Variants in STX5 observed in about 807,000 individuals in gnomAD.
STX5 encodes the protein syntaxin-5.
Under a neutral mutation model 42.9 loss-of-function variants are expected in STX5, and 15 were observed. The ratio of observed to expected loss-of-function variants is 0.35; its 90% CI spans 0.23 to 0.54. STX5 has a LOEUF of 0.54. Ranked by LOEUF, STX5 falls within the 20% of genes least tolerant of loss-of-function variation. STX5 has a pLI of 0.91. For missense variants in STX5, 430 were observed against 455.0 expected, an observed-to-expected ratio of 0.95 and a Z score of 0.50; for synonymous variants, 184 against 173.2, an observed-to-expected ratio of 1.06 and a Z score of -0.49.
At chr11:62,823,578 C>T (rs767177235) in intron 10 of STX5, among the ~76,000 whole-genome samples, 1 of 152,146 alleles carries the variant, frequency 6.6e-6, no homozygotes, top group Non-Finnish European at 1.5e-5. Context: ...CAGAATCTGG[C>T]TCTGTCACCC....
At chr11:62,820,875 T>G (rs1204856812) in intron 10 of STX5, among the ~76,000 whole-genome samples, 1 of 152,218 alleles carries the variant, frequency 6.6e-6, no homozygotes, top group Non-Finnish European at 1.5e-5. Flanking sequence ...ATTGAAATTT[T>G]GATTAAAATT....
intron 10 of STX5, among the ~76,000 whole-genome samples, chr11:62,818,384 C>T (rs1305912660): frequency 6.6e-6 from 1 of 151,426 alleles, no homozygotes; most frequent in Non-Finnish European, 1.5e-5. Flanking sequence ...TAGTGAAACC[C>T]CATTTCTACT....
intron 10 of STX5, among the ~76,000 whole-genome samples, chr11:62,816,528 G>A (rs2084674941): frequency 6.6e-6 from 1 of 151,822 alleles, no homozygotes; most frequent in Non-Finnish European, 1.5e-5. Context: ...CAATCCTCCC[G>A]CCTTGAACTC....
chr11:62,828,216 G>C (rs1468214868), intron 2 of STX5, among the ~76,000 whole-genome samples: 1 of 151,972 alleles, frequency 6.6e-6, no homozygotes, highest in African/African-American at 2.4e-5. Flanking sequence ...CTGGGCTCAA[G>C]TGATCCTCCA....
At position 62,818,387 on chromosome 11, in the gene STX5, T is replaced by C. The variant is rs1402040483; in HGVS notation, c.908+5779A>G. On this transcript the variant is annotated intron_variant, in intron 10 of 10. Coordinates refer to ENST00000294179, the MANE Select transcript of STX5 (RefSeq NM_003164.5). ...GCCTGGCCAACATAGTGAAACCCCA[T>C]TTCTACTAAAAATACAAAAAAAAAA... Among the ~76,000 whole-genome samples the C allele has an allele frequency of 4.6e-5, 7 of 150,986 alleles. No individual in the cohort carries two copies. In the East Asian group the frequency reaches 1.2e-3, roughly 25 times the overall value.
At chr11:62,811,290 C>T (rs2084614065) in intron 10 of STX5, among the ~76,000 whole-genome samples, 1 of 152,200 alleles carries the variant, frequency 6.6e-6, no homozygotes, top group East Asian at 1.9e-4. Context: ...CTACTAAACT[C>T]TGTCATTTAG....
intron 10 of STX5, among the ~76,000 whole-genome samples, chr11:62,820,003 C>T (rs1013528991): frequency 1.3e-5 from 2 of 151,596 alleles, no homozygotes; most frequent in African/African-American, 4.8e-5. Flanking sequence ...GCTCCCAGGC[C>T]AGTAAGTGGA....
At position 62,807,423 on chromosome 11, in the gene STX5, C is replaced by T; in HGVS notation, c.*46G>A. 6.3e-7 allele frequency: 1 copy of T among 1,599,070 alleles called. No individual in the cohort carries two copies. Among genetic ancestry groups the T allele is most frequent in the Non-Finnish European group, 8.5e-7 (1 of 1,171,050 alleles). Reference sequence around the variant, plus strand: ...TGGCAGCACTGGCCACTTGCCTTCCCAGGAGGGTCCCAAACCCCAACAGAG... The same window carrying T: ...TGGCAGCACTGGCCACTTGCCTTCCTAGGAGGGTCCCAAACCCCAACAGAG... On this transcript the variant is annotated 3_prime_UTR_variant, in exon 11 of 11. Transcript: ENST00000294179.
At chr11:62,824,647 C>A in intron 8 of STX5, 82 bp from the exon 9 acceptor site, 1 of 1,325,554 alleles carries the variant, frequency 7.5e-7, no homozygotes. Context: ...TGAATCCCAG[C>A]TCTAGCACTT....
Position 62,819,298 on chromosome 11 carries a change from G to T in STX5, c.908+4868C>A, listed in dbSNP as rs149765727. ...TAGTTTTGATTTAGTTAGTGAAAAA[G>T]ATTTCAGTTTTCAGATGAAAGAAAA... is the stretch of plus-strand genomic sequence containing the variant. On this transcript the variant is annotated intron_variant, in intron 10 of 10. Transcript: ENST00000294179. Among the ~76,000 whole-genome samples, 15 of 105,986 alleles carry T rather than the reference G, an allele frequency of 1.4e-4. No homozygotes were observed. The East Asian group carries it at 4.3e-3, about 30-fold the overall frequency. The allele number at this position is 105,986 out of a possible 152,430, so 69.5% of individuals were successfully genotyped here.
intron 10 of STX5, among the ~76,000 whole-genome samples, chr11:62,815,198 G>C (rs906315905): frequency 2.6e-5 from 4 of 151,972 alleles, no homozygotes; most frequent in Non-Finnish European, 5.9e-5. Context: ...AGTAGAGATG[G>C]GGTTTCACCA....
Position 62,831,936 on chromosome 11 carries a change from T to A in STX5, c.-20+18A>T. The A allele has an allele frequency of 2.2e-6, 1 of 448,872 alleles. No homozygotes were observed. The highest frequency in any genetic ancestry group is 4.4e-6 in the Non-Finnish European group (1 of 226,186). The allele number at this position is 448,872 out of a possible 1,614,324, so 27.8% of individuals were successfully genotyped here. On this transcript the variant is annotated intron_variant, in intron 1 of 10. Coordinates refer to ENST00000294179, the MANE Select transcript of STX5 (RefSeq NM_003164.5). ...GAGCTGACACGGCGGCCAGATCCCC[T>A]CTTAAAGCGAATCTTACCTCCCCTC...
chr11:62,824,559 C>T lies in STX5; in HGVS notation c.686G>A (p.Gly229Asp), dbSNP rs373389250. The change falls in exon 9 of 11, where the codon GGT becomes GAT. Residue 229 changes from glycine to aspartate, a missense_variant. Coordinates refer to ENST00000294179, the MANE Select transcript of STX5 (RefSeq NM_003164.5). ...GGACTCTGCCCCCAGAACCACAGCA[C>T]CACCGCCTGGGGGAGAAAACAGGAT... ...LPLAPNHLGG[G>D]AVVLGAESHA... 84 of 1,613,962 alleles carry T rather than the reference C, an allele frequency of 5.2e-5. No individual in the cohort carries two copies. Among genetic ancestry groups the T allele is most frequent in the Non-Finnish European group, 6.7e-5 (79 of 1,180,002 alleles).
chr11:62,812,196 G>A (rs2084624771), intron 10 of STX5, among the ~76,000 whole-genome samples: 1 of 149,230 alleles, frequency 6.7e-6, no homozygotes, highest in African/African-American at 2.5e-5. Context: ...TCCTGCCTCA[G>A]CCTCCAGAGT....
rs560687939 is a variant in STX5, at chr11:62,829,921, C to T, written c.225+1098G>A. ...ACTAAAAAAAAATACAAAAATTAGC[C>T]GGGCGTGGTGACGGGCACCTGTAAT... On this transcript the variant is annotated intron_variant, in intron 2 of 10. Transcript: ENST00000294179. Among the ~76,000 whole-genome samples the T allele has an allele frequency of 1.5e-3, 224 of 151,708 alleles. 1 individual carries two copies. The highest frequency in any genetic ancestry group is 6.8e-3 in the Middle Eastern group (2 of 294).
intron 2 of STX5, among the ~76,000 whole-genome samples, chr11:62,828,649 C>CTCCACT (rs1167169720): frequency 1.2e-4 from 18 of 152,204 alleles, no homozygotes; most frequent in African/African-American, 4.3e-4. Flanking sequence ...TCACTTGAAC[C>CTCCACT]TGGGAGGTGG....
chr11:62,826,253 T>TA (rs553476941), intron 5 of STX5, among the ~76,000 whole-genome samples: 1,459 of 132,180 alleles, frequency 0.011, 19 homozygotes, highest in African/African-American at 0.038. Flanking sequence ...GACTCCGTCT[T>TA]AAAAAAAAAA....
chr11:62,831,870 T>C (rs368070133), intron 1 of STX5, 84 bp downstream of exon 1: 51 of 454,980 alleles, frequency 1.1e-4, no homozygotes, highest in Middle Eastern at 3.2e-4. Flanking sequence ...CCTGATTCCC[T>C]TCCCCCCGCC....
chr11:62,809,716 C>T (rs542277047), intron 10 of STX5, among the ~76,000 whole-genome samples: 1 of 129,552 alleles, frequency 7.7e-6, no homozygotes, highest in Admixed American at 8.1e-5. Flanking sequence ...GACATTATGG[C>T]TGTTCAGGAG....
Sources: gnomAD v4.1 joint callset for allele counts (sites outside exome capture counted in the v4.1 genomes callset) on GRCh38, gnomAD v4.1.1 for gene constraint, MANE v1.5 for transcripts, NCBI Gene and HGNC (gene_info 2026-07-23, HGNC 2026-07-21) for gene names.